The following TENM3 variants were observed in gnomAD, a reference collection of about 807,000 sequenced individuals.
TENM3 encodes the protein teneurin transmembrane protein 3.
A neutral mutation model predicts 255.1 loss-of-function variants in TENM3; 63 were observed. That is an observed-to-expected ratio of 0.25 (90% confidence interval 0.20 to 0.30). The LOEUF (loss-of-function observed/expected upper bound fraction) is 0.30. TENM3 is among the 10% of genes least tolerant of loss of function. TENM3 has a pLI of 1.00. For missense variants in TENM3, 2,929 were observed against 3,461.1 expected, an observed-to-expected ratio of 0.85 and a Z score of 3.86; for synonymous variants, 1,306 against 1,322.3, an observed-to-expected ratio of 0.99 and a Z score of 0.27.
chr4:181,616,009 ATCT>A, the TENM3 span, among the ~76,000 whole-genome samples: 3 of 152,164 alleles, frequency 2.0e-5, no homozygotes, highest in East Asian at 5.8e-4. Flanking sequence ...ATTAGAGCAG[ATCT>A]TCTTGATTTT....
At chr4:181,683,880 C>G in the TENM3 span, among the ~76,000 whole-genome samples, 1 of 152,138 alleles carries the variant, frequency 6.6e-6, no homozygotes, top group African/African-American at 2.4e-5. Context: ...TTCGAGCACA[C>G]AGCTTGACTT....
chr4:182,102,263 T>C, the TENM3 span, among the ~76,000 whole-genome samples: 13 of 152,288 alleles, frequency 8.5e-5, no homozygotes, highest in South Asian at 2.7e-3. Flanking sequence ...CAAAGAGCCA[T>C]AGACCATTGG....
chr4:181,471,506 T>A, the TENM3 span, among the ~76,000 whole-genome samples: 1 of 152,284 alleles, frequency 6.6e-6, no homozygotes, highest in East Asian at 1.9e-4. Flanking sequence ...AATGCAGGCA[T>A]GGTGAGGTTA....
At chr4:181,548,362 G>A in the TENM3 span, among the ~76,000 whole-genome samples, 4 of 152,104 alleles carry the variant, frequency 2.6e-5, no homozygotes, top group South Asian at 2.1e-4. Context: ...ACATGCACAC[G>A]TATGTTTATT....
chr4:182,397,771 A>T (rs78949884), intron 3 of TENM3, among the ~76,000 whole-genome samples: 3,340 of 152,166 alleles, frequency 0.022, 110 homozygotes, highest in African/African-American at 0.075. Context: ...CCTTCCCCCA[A>T]GTTTCTGATT....
chr4:181,575,034 T>C, the TENM3 span, among the ~76,000 whole-genome samples: 1 of 152,160 alleles, frequency 6.6e-6, no homozygotes, highest in Non-Finnish European at 1.5e-5. Context: ...ATGCAAGTAA[T>C]TTTTTTAGTG....
chr4:182,560,590 G>A (rs1475970970), intron 3 of TENM3, among the ~76,000 whole-genome samples: 4 of 152,156 alleles, frequency 2.6e-5, no homozygotes, highest in African/African-American at 9.7e-5. Context: ...CCCTCAGTGG[G>A]TGGTCATGCC....
the TENM3 span, among the ~76,000 whole-genome samples, chr4:181,481,402 CTGTT>C: frequency 6.4e-4 from 97 of 152,180 alleles, 1 homozygote; most frequent in African/African-American, 2.2e-3. Context: ...TTCCGTTTGT[CTGTT>C]CATATATGAG....
intron 16 of TENM3, among the ~76,000 whole-genome samples, chr4:182,732,555 G>A (rs2309763): frequency 0.17 from 26,535 of 152,240 alleles, 2,980 homozygotes; most frequent in East Asian, 0.48. Context: ...GCCAGGCGGC[G>A]TGGCTCACTA....
At chr4:182,664,396 G>A (rs1441323260) in intron 6 of TENM3, among the ~76,000 whole-genome samples, 3 of 152,086 alleles carry the variant, frequency 2.0e-5, no homozygotes, top group South Asian at 2.1e-4. Flanking sequence ...TGACTGCTCC[G>A]TGACCAGCAT....
chr4:182,065,337 A>T, the TENM3 span, among the ~76,000 whole-genome samples: 12 of 152,314 alleles, frequency 7.9e-5, no homozygotes, highest in South Asian at 2.5e-3. Flanking sequence ...GCCCGGCAAA[A>T]CCGGATAATT....
the TENM3 span, among the ~76,000 whole-genome samples, chr4:181,840,569 T>A: frequency 1.3e-5 from 2 of 152,172 alleles, no homozygotes; most frequent in Non-Finnish European, 2.9e-5. Flanking sequence ...GTCTGGCTTA[T>A]AACTATGAAT....
chr4:182,153,076 T>A (rs2149587537), intron 1 of TENM3, among the ~76,000 whole-genome samples: 1 of 152,010 alleles, frequency 6.6e-6, no homozygotes, highest in African/African-American at 2.4e-5. Flanking sequence ...GGACTTCAGA[T>A]CTTTCTTTAT....
the TENM3 span, among the ~76,000 whole-genome samples, chr4:181,502,266 G>T: frequency 2.6e-3 from 398 of 152,250 alleles, 3 homozygotes; most frequent in African/African-American, 9.0e-3. Context: ...TATGGACACC[G>T]GATGATAGTG....
chr4:182,689,595 C>T (rs1029560295), intron 12 of TENM3, among the ~76,000 whole-genome samples: 8 of 152,294 alleles, frequency 5.3e-5, no homozygotes, highest in East Asian at 3.9e-4. Context: ...AAGACACATC[C>T]GGCAGAGTCT....
the TENM3 span, among the ~76,000 whole-genome samples, chr4:181,525,124 G>A: frequency 6.6e-6 from 1 of 152,026 alleles, no homozygotes; most frequent in African/African-American, 2.4e-5. Context: ...TGCAGAAGAG[G>A]GGCCAGCCAC....
chr4:181,636,809 C>G, the TENM3 span, among the ~76,000 whole-genome samples: 1 of 152,234 alleles, frequency 6.6e-6, no homozygotes, highest in African/African-American at 2.4e-5. Context: ...GATCATGTCA[C>G]TGCTCTTCTG....
rs188438633 is a variant in TENM3, at chr4:182,375,806, A to G, written c.511+28877A>G. Among the ~76,000 whole-genome samples the G allele has an allele frequency of 2.0e-3, 310 of 152,276 alleles. 3 individuals are homozygous for G. The highest frequency in any genetic ancestry group is 7.3e-3 in the African/African-American group (302 of 41,550). ...TGATCCACCTGCCTCAGCCTCCCAAAGTGCTGGGGTTACAAGTGTGAGCCA... is the reference window on the plus strand; with the variant it reads ...TGATCCACCTGCCTCAGCCTCCCAAGGTGCTGGGGTTACAAGTGTGAGCCA... On this transcript the variant is annotated intron_variant, in intron 3 of 27. Coordinates refer to ENST00000511685, the MANE Select transcript of TENM3 (RefSeq NM_001080477.4).
chr4:181,987,274 C>T, the TENM3 span, among the ~76,000 whole-genome samples: 1 of 152,102 alleles, frequency 6.6e-6, no homozygotes, highest in Non-Finnish European at 1.5e-5. Context: ...TCCCAAGCCC[C>T]TGGCAATCAG....
Sources: allele counts gnomAD v4.1 joint callset (sites outside exome capture counted in the v4.1 genomes callset), GRCh38; gene constraint gnomAD v4.1.1; transcripts MANE v1.5; gene names NCBI Gene and HGNC (gene_info 2026-07-23, HGNC 2026-07-21).